The following DIP2B variants were observed in gnomAD, a reference collection of about 807,000 sequenced individuals.
DIP2B encodes DIP2 acetate--CoA ligase B (putative).
DIP2B carries 76 observed loss-of-function variants against 198.0 expected under a neutral mutation model. The observed-to-expected ratio is 0.38, with a 90% CI of 0.32 to 0.46. The LOEUF is 0.46. Among genes scored for constraint, DIP2B ranks in the 20% least tolerant of loss-of-function variants. DIP2B has a pLI of 0.99. For synonymous variants in DIP2B, 701 were observed against 739.1 expected (o/e 0.95, Z 0.84); for missense variants, 1,559 against 1,978.4 (o/e 0.79, Z 4.02).
At position 50,699,213 on chromosome 12, in the gene DIP2B, T is replaced by C. The variant is rs1008769215; in HGVS notation, c.2325+11T>C. 1.4e-5 allele frequency: 22 copies of C among 1,613,804 alleles called. No homozygotes were observed. Among genetic ancestry groups the C allele is most frequent in the Non-Finnish European group, 1.7e-5 (20 of 1,179,936 alleles). On this transcript the variant is annotated intron_variant, in intron 19 of 37. Coordinates refer to ENST00000301180, the MANE Select transcript of DIP2B (RefSeq NM_173602.3). ...AAAAATACATTTGAGGTACATGATA[T>C]TAACATTTCACAGGGAAAATGTTTG...
intron 2 of DIP2B, among the ~76,000 whole-genome samples, chr12:50,628,986 C>A (rs542481330): frequency 7.8e-4 from 119 of 152,286 alleles, no homozygotes; most frequent in Admixed American, 2.2e-3. Flanking sequence ...GCAAGTGATC[C>A]TCCCGCCTCA....
chr12:50,520,839 A>G (rs969792317), intron 1 of DIP2B, among the ~76,000 whole-genome samples: 2 of 152,044 alleles, frequency 1.3e-5, no homozygotes, highest in African/African-American at 4.8e-5. Flanking sequence ...CAGCCTCCCT[A>G]TCTACCTTTT....
Position 50,698,412 on chromosome 12 carries a change from T to C in DIP2B, c.2133T>C (p.Thr711=). The C allele has an allele frequency of 6.2e-7, 1 of 1,613,900 alleles. No homozygotes were observed. Residue 711 remains threonine (T), a synonymous_variant, in exon 18 of 38, where the codon ACT becomes ACC. Coordinates refer to ENST00000301180, the MANE Select transcript of DIP2B (RefSeq NM_173602.3). The stretch of plus-strand genomic sequence containing the variant: ...GCTATGGGGTAATACGGGTCAATAC[T>C]GAAGATAAAAATTCAGCACTGACGG... ...GLSYGVIRVN[T]EDKNSALTVQ...
chr12:50,537,144 A>G (rs1485638175), intron 1 of DIP2B, among the ~76,000 whole-genome samples: 1 of 21,676 alleles, frequency 4.6e-5, no homozygotes, highest in Non-Finnish European at 7.2e-5. Context: ...TTTTTTTTGT[A>G]GAGACAGGGT....
In DIP2B at chr12:50,678,686, G is replaced by A; in HGVS notation, c.924G>A (p.Gln308=). 1 of 1,613,956 alleles carries A rather than the reference G, an allele frequency of 6.2e-7. No individual in the cohort carries two copies. The highest frequency in any genetic ancestry group is 8.5e-7 in the Non-Finnish European group (1 of 1,179,916). Residue 308 remains glutamine, a synonymous_variant, in exon 8 of 38, where the codon CAG becomes CAA. Coordinates refer to ENST00000301180, the MANE Select transcript of DIP2B (RefSeq NM_173602.3). Reference sequence around the variant, plus strand: ...GGGATTTTCCTGGTACAGTACCTCAGCCAGACCCCAACCAGCCCAAGCCGG... The same window carrying A: ...GGGATTTTCCTGGTACAGTACCTCAACCAGACCCCAACCAGCCCAAGCCGG... ...DDSEEIVEVP[Q]PDPNQPKPEG...
intron 2 of DIP2B, among the ~76,000 whole-genome samples, chr12:50,633,049 G>T (rs1938091325): frequency 6.6e-6 from 1 of 152,104 alleles, no homozygotes; most frequent in African/African-American, 2.4e-5. Flanking sequence ...AAAGTTCTGG[G>T]ATTACAGGTG....
chr12:50,662,297 C>T (rs1938663205), intron 4 of DIP2B, among the ~76,000 whole-genome samples: 2 of 152,298 alleles, frequency 1.3e-5, no homozygotes, highest in South Asian at 4.1e-4. Flanking sequence ...TGAGGGACAT[C>T]TGTGTTGTCA....
intron 34 of DIP2B, among the ~76,000 whole-genome samples, chr12:50,735,496 C>T (rs1356186871): frequency 6.7e-6 from 1 of 149,000 alleles, no homozygotes; most frequent in East Asian, 2.0e-4. Flanking sequence ...GAGATGGAGT[C>T]TCACTCTGCC....
At chr12:50,661,144 C>T (rs760545300) in intron 4 of DIP2B, among the ~76,000 whole-genome samples, 1 of 151,888 alleles carries the variant, frequency 6.6e-6, no homozygotes, top group Non-Finnish European at 1.5e-5. Flanking sequence ...TTTTTTAGAT[C>T]GAATCCCAGA....
At chr12:50,733,491 C>G (rs1940084621) in intron 32 of DIP2B, among the ~76,000 whole-genome samples, 1 of 151,956 alleles carries the variant, frequency 6.6e-6, no homozygotes, top group Non-Finnish European at 1.5e-5. Flanking sequence ...AGTTTGAGAC[C>G]AGCCTGGGCA....
At chr12:50,620,874 C>T (rs892167630) in intron 1 of DIP2B, among the ~76,000 whole-genome samples, 1 of 152,158 alleles carries the variant, frequency 6.6e-6, no homozygotes, top group Non-Finnish European at 1.5e-5. Context: ...TCCTCACATT[C>T]AGTCTGCAGA....
chr12:50,612,949 T>C (rs1039671452), intron 1 of DIP2B, among the ~76,000 whole-genome samples: 6 of 152,230 alleles, frequency 3.9e-5, no homozygotes, highest in African/African-American at 1.4e-4. Flanking sequence ...GTCACTAAAC[T>C]GTGGAACATA....
chr12:50,521,924 T>G (rs1958123746), intron 1 of DIP2B, among the ~76,000 whole-genome samples: 1 of 152,028 alleles, frequency 6.6e-6, no homozygotes. Flanking sequence ...ATTACAGGCA[T>G]GAGCCACCAC....
At chr12:50,567,589 G>A (rs537392107) in intron 1 of DIP2B, among the ~76,000 whole-genome samples, 1 of 152,046 alleles carries the variant, frequency 6.6e-6, no homozygotes, top group Non-Finnish European at 1.5e-5. Context: ...GTGCAGTGGC[G>A]CCATCTTGGC....
intron 1 of DIP2B, among the ~76,000 whole-genome samples, chr12:50,559,063 C>G (rs988404421): frequency 2.6e-5 from 4 of 152,114 alleles, no homozygotes; most frequent in African/African-American, 9.7e-5. Flanking sequence ...CTGTCAAGCT[C>G]TTCCAATTTG....
At chr12:50,632,479 A>C (rs1593671848) in intron 2 of DIP2B, among the ~76,000 whole-genome samples, 1 of 48,496 alleles carries the variant, frequency 2.1e-5, no homozygotes, top group South Asian at 9.1e-4. Context: ...ACTCTGTCTC[A>C]AAAAAAAAAA....
intron 12 of DIP2B, among the ~76,000 whole-genome samples, chr12:50,689,386 AAGG>A (rs1392169523): frequency 6.6e-6 from 1 of 152,186 alleles, no homozygotes; most frequent in Admixed American, 6.5e-5. Context: ...AAGAAAAAAA[AAGG>A]AGACCGGCTT....
chr12:50,573,492 A>T (rs1958633121), intron 1 of DIP2B, among the ~76,000 whole-genome samples: 1 of 152,220 alleles, frequency 6.6e-6, no homozygotes, highest in South Asian at 2.1e-4. Context: ...ACCCAGTCTT[A>T]TAACCTTATC....
At chr12:50,692,683 C>T (rs1440356877) in intron 13 of DIP2B, among the ~76,000 whole-genome samples, 1 of 152,066 alleles carries the variant, frequency 6.6e-6, no homozygotes, top group Non-Finnish European at 1.5e-5. Context: ...ACTAAAAATA[C>T]AAAATTAGCC....
Sources: allele counts gnomAD v4.1 joint callset (sites outside exome capture counted in the v4.1 genomes callset), GRCh38; gene constraint gnomAD v4.1.1; transcripts MANE v1.5; gene names NCBI Gene and HGNC (gene_info 2026-07-23, HGNC 2026-07-21).